The following PPP2R3A variants were observed in gnomAD, a reference collection of about 807,000 sequenced individuals.
The protein encoded by PPP2R3A is serine/threonine-protein phosphatase 2A regulatory subunit B'' subunit alpha.
A neutral mutation model predicts 106.9 loss-of-function variants in PPP2R3A; 80 were observed. The observed-to-expected ratio is 0.75, with a 90% CI of 0.62 to 0.90. The LOEUF is 0.90. Ranked by LOEUF, PPP2R3A falls within the 40% of genes least tolerant of loss-of-function variation. The probability of loss-of-function intolerance (pLI) is 0.00; values close to 1 mark genes in which losing one functional copy is unlikely to be tolerated. For synonymous variants in PPP2R3A, 483 were observed against 468.3 expected (o/e 1.03, Z -0.41); for missense variants, 1,386 against 1,350.4 (o/e 1.03, Z -0.41).
intron 7 of PPP2R3A, among the ~76,000 whole-genome samples, chr3:136,080,069 A>T (rs1936731489): frequency 6.6e-6 from 1 of 152,164 alleles, no homozygotes; most frequent in South Asian, 2.1e-4. Context: ...TCTCTTATAT[A>T]CATGTAGTAT....
Position 136,110,551 on chromosome 3 carries a change from A to G in PPP2R3A, c.3329+4229A>G, listed in dbSNP as rs185160003. Among the ~76,000 whole-genome samples, 70 of 152,336 alleles carry G rather than the reference A, an allele frequency of 4.6e-4. 1 individual carries two copies. Among genetic ancestry groups the G allele is most frequent in the African/African-American group, 1.7e-3 (69 of 41,576 alleles). Reference sequence around the variant, plus strand: ...GAATTTTAGTTGTTTGAGCAAATAAAAAGATACACAGGAGAAGGAATCAGC... The same window carrying G: ...GAATTTTAGTTGTTTGAGCAAATAAGAAGATACACAGGAGAAGGAATCAGC... On this transcript the variant is annotated intron_variant, in intron 13 of 13. Coordinates refer to ENST00000264977, the MANE Select transcript of PPP2R3A (RefSeq NM_002718.5).
chr3:136,008,793 G>A (rs1158753804), intron 2 of PPP2R3A, among the ~76,000 whole-genome samples: 1 of 152,046 alleles, frequency 6.6e-6, no homozygotes, highest in Non-Finnish European at 1.5e-5. Flanking sequence ...CCCTTGGCAG[G>A]AGTGAAGAGG....
Position 135,978,894 on chromosome 3 carries a change from A to G in PPP2R3A, c.-441+13045A>G, listed in dbSNP as rs375994821. 3.3e-5 allele frequency among the ~76,000 whole-genome samples: 5 copies of G among 151,940 alleles called. No homozygotes were observed. In the East Asian group the frequency reaches 9.7e-4, roughly 29 times the overall value. On this transcript the variant is annotated intron_variant, in intron 1 of 13. Coordinates refer to ENST00000264977, the MANE Select transcript of PPP2R3A (RefSeq NM_002718.5). The stretch of plus-strand genomic sequence containing the variant: ...ATGACAAAATAGTTCATCTACTCTG[A>G]ATGGAAGTTAAAATTTTTCCTTAAA...
At chr3:136,045,191 A>T (rs1935430185) in intron 4 of PPP2R3A, among the ~76,000 whole-genome samples, 1 of 152,166 alleles carries the variant, frequency 6.6e-6, no homozygotes, top group South Asian at 2.1e-4. Context: ...CACACAGCAC[A>T]GCCTCCACTC....
At chr3:136,062,207 T>G (rs1279505511) in intron 5 of PPP2R3A, among the ~76,000 whole-genome samples, 1 of 152,196 alleles carries the variant, frequency 6.6e-6, no homozygotes, top group Non-Finnish European at 1.5e-5. Context: ...CTTAAATGGT[T>G]ACTTGCATAT....
intron 1 of PPP2R3A, among the ~76,000 whole-genome samples, chr3:135,996,818 C>T (rs1274846042): frequency 1.3e-5 from 2 of 152,154 alleles, no homozygotes; most frequent in African/African-American, 4.8e-5. Flanking sequence ...TTTTCACTAT[C>T]TTCCCAAATT....
At chr3:135,975,089 T>A (rs528252753) in intron 1 of PPP2R3A, among the ~76,000 whole-genome samples, 1 of 152,228 alleles carries the variant, frequency 6.6e-6, no homozygotes, top group Non-Finnish European at 1.5e-5. Flanking sequence ...CTCAACATGA[T>A]ACATCTTGGC....
rs537991734 is a variant in PPP2R3A at position 136,076,273 on chromosome 3, T to G, written c.2545-2094T>G. Among the ~76,000 whole-genome samples the G allele has an allele frequency of 2.0e-4, 30 of 152,328 alleles. No homozygotes were observed. The Middle Eastern group carries it at 0.01, about 52-fold the overall frequency. On this transcript the variant is annotated intron_variant, in intron 6 of 13. Coordinates refer to ENST00000264977, the MANE Select transcript of PPP2R3A (RefSeq NM_002718.5). Reference sequence around the variant, plus strand: ...TGGTGAAACACAGAACAAGTCAGCTTCTTCTTCCGCCCAATAGCCACTCAG... The same window carrying G: ...TGGTGAAACACAGAACAAGTCAGCTGCTTCTTCCGCCCAATAGCCACTCAG...
At chr3:136,016,237 A>G (rs979931359) in intron 2 of PPP2R3A, among the ~76,000 whole-genome samples, 1 of 152,192 alleles carries the variant, frequency 6.6e-6, no homozygotes, top group Non-Finnish European at 1.5e-5. Flanking sequence ...GTGGCCTATC[A>G]TATGGTCTGT....
intron 12 of PPP2R3A, among the ~76,000 whole-genome samples, chr3:136,105,390 C>G (rs536524591): frequency 6.6e-6 from 1 of 152,312 alleles, no homozygotes; most frequent in Admixed American, 6.5e-5. Flanking sequence ...ACTTAGGAAG[C>G]TAAGACGGGA....
intron 4 of PPP2R3A, among the ~76,000 whole-genome samples, chr3:136,048,405 G>C (rs891228765): frequency 6.6e-6 from 1 of 152,194 alleles, no homozygotes; most frequent in African/African-American, 2.4e-5. Context: ...AGGCGCCGTG[G>C]CTCACGCCTG....
intron 10 of PPP2R3A, 138 bp downstream of exon 10, chr3:136,090,805 C>T (rs371040171): frequency 2.4e-4 from 151 of 620,018 alleles, no homozygotes; most frequent in Non-Finnish European, 5.6e-5. Context: ...TCTGCCGTCT[C>T]GGAGCTCTCC....
At chr3:136,068,821 TAAC>T (rs1242840660) in intron 5 of PPP2R3A, among the ~76,000 whole-genome samples, 2 of 150,614 alleles carry the variant, frequency 1.3e-5, no homozygotes, top group African/African-American at 5.0e-5. Flanking sequence ...TGATTAAAGT[TAAC>T]ATCACCAAAT....
chr3:136,070,634 C>A, intron 6 of PPP2R3A, 82 bp downstream of exon 6: 1 of 1,184,474 alleles, frequency 8.4e-7, no homozygotes, highest in Non-Finnish European at 1.2e-6. Flanking sequence ...TTTCAAGTAT[C>A]TATGCAAAAG....
intron 12 of PPP2R3A, 23 bp from the exon 13 acceptor site, chr3:136,106,193 G>C (rs1463302482): frequency 1.3e-6 from 2 of 1,579,164 alleles, no homozygotes; most frequent in Non-Finnish European, 1.7e-6. Flanking sequence ...TTTATTTCTC[G>C]TGGCTGTCTT....
intron 13 of PPP2R3A, among the ~76,000 whole-genome samples, chr3:136,138,695 A>ATTTTTTTTTTTTTTTTTTTTTTTTTT (rs747811648): frequency 3.9e-5 from 2 of 50,638 alleles, no homozygotes; most frequent in African/African-American, 9.2e-5. Flanking sequence ...GAAATATTGA[A>ATTTTTTTTTTTTTTTTTTTTTTTTTT]TTTTTTTTTT....
chr3:136,136,045 C>CAAAAAAA (rs34558229), intron 13 of PPP2R3A, among the ~76,000 whole-genome samples: 14 of 22,374 alleles, frequency 6.3e-4, no homozygotes, highest in African/African-American at 9.8e-4. Flanking sequence ...GACTCCGTCT[C>CAAAAAAA]AAAAAAAAAA....
intron 13 of PPP2R3A, among the ~76,000 whole-genome samples, chr3:136,110,688 TTAGTAACA>T (rs1937579721): frequency 6.6e-6 from 1 of 152,184 alleles, no homozygotes; most frequent in Non-Finnish European, 1.5e-5. Context: ...CAATAAAACT[TTAGTAACA>T]GACACTGAGC....
At chr3:135,988,372 C>T (rs1392513034) in intron 1 of PPP2R3A, among the ~76,000 whole-genome samples, 1 of 151,942 alleles carries the variant, frequency 6.6e-6, no homozygotes, top group Non-Finnish European at 1.5e-5. Context: ...AGAATCTGAC[C>T]ACTTTGCTCC....
Sources: gnomAD v4.1 joint callset for allele counts (sites outside exome capture counted in the v4.1 genomes callset) on GRCh38, gnomAD v4.1.1 for gene constraint, MANE v1.5 for transcripts, NCBI Gene and HGNC (gene_info 2026-07-23, HGNC 2026-07-21) for gene names.